The following PARVB variants were observed in gnomAD, a reference collection of about 807,000 sequenced individuals.
PARVB encodes parvin beta, also known as beta-parvin.
In PARVB, 46 loss-of-function variants were observed where a neutral mutation model predicts 47.0. The observed-to-expected ratio is 0.98, with a 90% confidence interval of 0.77 to 1.25. The LOEUF (loss-of-function observed/expected upper bound fraction) is 1.25. PARVB is among the 50% of genes most tolerant of loss of function. PARVB has a pLI of 0.00. For missense variants in PARVB, 473 were observed against 471.6 expected, an observed-to-expected ratio of 1.00 and a Z score of -0.03; for synonymous variants, 196 against 196.3, an observed-to-expected ratio of 1.00 and a Z score of 0.01.
At chr22:44,097,389 G>A (rs1047290258) in intron 2 of PARVB, among the ~76,000 whole-genome samples, 2 of 152,180 alleles carry the variant, frequency 1.3e-5, no homozygotes, top group Non-Finnish European at 2.9e-5. Flanking sequence ...TCTAGGCCGC[G>A]TGAGCAGCCC....
intron 2 of PARVB, among the ~76,000 whole-genome samples, chr22:44,094,646 C>T (rs904695852): frequency 3.3e-5 from 5 of 151,036 alleles, no homozygotes; most frequent in African/African-American, 1.2e-4. Flanking sequence ...TGTGCCACCC[C>T]GCCCACCTAA....
chr22:44,151,828 G>T, intron 10 of PARVB: 2 of 414,590 alleles, frequency 4.8e-6, no homozygotes, highest in South Asian at 5.0e-5. Context: ...TCAAGATGGG[G>T]CCTGGGTGGG....
At chr22:44,051,447 T>A (rs1235806197) in intron 1 of PARVB, among the ~76,000 whole-genome samples, 1 of 152,108 alleles carries the variant, frequency 6.6e-6, no homozygotes, top group Non-Finnish European at 1.5e-5. Context: ...GCTCTGACCA[T>A]GTCTCTGTGG....
In PARVB at chr22:44,151,537, G is replaced by T; in HGVS notation, c.829G>T (p.Glu277Ter). 6.2e-7 allele frequency: 1 copy of T among 1,613,322 alleles called. No homozygotes were observed. The highest frequency in any genetic ancestry group is 8.5e-7 in the Non-Finnish European group (1 of 1,179,280). The stretch of plus-strand genomic sequence containing the variant: ...GAACAAGCTGAATTTGGAGGTGACG[G>T]AACTGGAGACCCAGGTATGTGCTGC... The part of the protein sequence containing the change: ...HLNKLNLEVT[E>*]LETQFADGVY... Residue 277 changes from glutamate (E) to a stop codon, truncating the protein, a stop_gained, in exon 10 of 13, where the codon GAA becomes TAA. Transcript: ENST00000338758. LOFTEE classifies it high-confidence loss of function.
rs145137187 is a variant in PARVB, at chr22:44,132,988, G to A, written c.612G>A (p.Thr204=). 75 of 1,613,598 alleles carry A rather than the reference G, an allele frequency of 4.6e-5. No homozygotes were observed. Among genetic ancestry groups the A allele is most frequent in the East Asian group, 1.8e-4 (8 of 44,834 alleles). Reference sequence around the variant, plus strand: ...CCATCCGCCTTCCTGAGCATGTAACGGTGCAGGTGGTGGTCGTGCGGGTGA... The same window carrying A: ...CCATCCGCCTTCCTGAGCATGTAACAGTGCAGGTGGTGGTCGTGCGGGTGA... ...RAPIRLPEHV[T]VQVVVVRKRE... is the part of the protein sequence containing the mutation. Residue 204 remains threonine, a synonymous_variant, in exon 6 of 13, where the codon ACG becomes ACA. Coordinates refer to ENST00000338758, the MANE Select transcript of PARVB (RefSeq NM_013327.5).
chr22:44,140,048 A>G, intron 7 of PARVB, 76 bp from the exon 8 acceptor site: 1 of 1,584,728 alleles, frequency 6.3e-7, no homozygotes, highest in South Asian at 1.1e-5. Flanking sequence ...TCTGTCCCTC[A>G]TCCTCCATTG....
At chr22:44,024,595 A>T (rs2050697918) in intron 1 of PARVB, 144 bp downstream of exon 1, 1 of 300,468 alleles carries the variant, frequency 3.3e-6, no homozygotes, top group African/African-American at 2.2e-5. Flanking sequence ...GGGACAGGCC[A>T]GGCCTTTGAC....
intron 1 of PARVB, among the ~76,000 whole-genome samples, chr22:44,057,909 C>G (rs2051345448): frequency 6.6e-6 from 1 of 151,930 alleles, no homozygotes; most frequent in Non-Finnish European, 1.5e-5. Context: ...TGCTGGAAGC[C>G]TGGGCTCTTT....
chr22:44,123,633 T>C (rs532473038), intron 4 of PARVB, among the ~76,000 whole-genome samples: 17 of 152,230 alleles, frequency 1.1e-4, no homozygotes, highest in Non-Finnish European at 2.2e-4. Context: ...CAGGCTGATC[T>C]TGAACTCCTG....
intron 4 of PARVB, among the ~76,000 whole-genome samples, chr22:44,130,653 C>T (rs1469949918): frequency 1.3e-5 from 2 of 152,136 alleles, no homozygotes; most frequent in Non-Finnish European, 2.9e-5. Flanking sequence ...GCAGAGGCAG[C>T]TTTTAAGACC....
intron 1 of PARVB, among the ~76,000 whole-genome samples, chr22:44,080,346 G>A (rs1213533950): frequency 2.6e-5 from 4 of 152,172 alleles, no homozygotes; most frequent in South Asian, 2.1e-4. Flanking sequence ...CAGCAGGGCC[G>A]GTTCCTTCCG....
At chr22:44,067,076 G>A (rs1001783127) in intron 1 of PARVB, among the ~76,000 whole-genome samples, 7 of 152,034 alleles carry the variant, frequency 4.6e-5, no homozygotes, top group Non-Finnish European at 7.4e-5. Flanking sequence ...TCCTGGGCTC[G>A]AGCGGTCCTC....
intron 4 of PARVB, among the ~76,000 whole-genome samples, chr22:44,122,819 G>A (rs2053100346): frequency 6.6e-6 from 1 of 152,200 alleles, no homozygotes; most frequent in African/African-American, 2.4e-5. Flanking sequence ...ATCCTTGCAT[G>A]TGGAGATCAC....
At chr22:44,099,300 G>A (rs1457751170) in intron 2 of PARVB, among the ~76,000 whole-genome samples, 1 of 152,170 alleles carries the variant, frequency 6.6e-6, no homozygotes, top group Non-Finnish European at 1.5e-5. Flanking sequence ...GCTGGCTTCT[G>A]TGTGGTGCTG....
chr22:44,023,925 G>A (rs1051359391), upstream of PARVB, among the ~76,000 whole-genome samples: 3 of 152,234 alleles, frequency 2.0e-5, no homozygotes, highest in Non-Finnish European at 2.9e-5. Flanking sequence ...CTGGCTCTTG[G>A]CAGAAGCTTA....
chr22:44,137,070 T>C (rs2053454990), intron 7 of PARVB, among the ~76,000 whole-genome samples: 1 of 152,278 alleles, frequency 6.6e-6, no homozygotes. Context: ...TAAGAATCTT[T>C]AGAATTCACT....
At chr22:44,033,822 G>T (rs2050866917) in intron 1 of PARVB, among the ~76,000 whole-genome samples, 2 of 152,162 alleles carry the variant, frequency 1.3e-5, no homozygotes, top group Non-Finnish European at 2.9e-5. Flanking sequence ...CACTCCTAGG[G>T]CCTGCGTACG....
At chr22:44,033,148 G>A (rs1035431995) in intron 1 of PARVB, among the ~76,000 whole-genome samples, 3 of 152,168 alleles carry the variant, frequency 2.0e-5, no homozygotes, top group African/African-American at 7.2e-5. Context: ...GACTGCAGTG[G>A]CATGATCTCG....
At chr22:44,023,551 A>C (rs972635702), upstream of PARVB, among the ~76,000 whole-genome samples, 2 of 94,560 alleles carry the variant, frequency 2.1e-5, no homozygotes, top group African/African-American at 5.3e-5. Context: ...ATAAAATAAA[A>C]TAAAATAAAA....
Sources: gnomAD v4.1 joint callset for allele counts (sites outside exome capture counted in the v4.1 genomes callset) on GRCh38, gnomAD v4.1.1 for gene constraint, MANE v1.5 for transcripts, NCBI Gene and HGNC (gene_info 2026-07-23, HGNC 2026-07-21) for gene names.